The following SEZ6L variants were observed in gnomAD, a reference collection of about 807,000 sequenced individuals.
SEZ6L encodes the protein seizure 6-like protein.
A neutral mutation model predicts 106.2 loss-of-function variants in SEZ6L; 37 were observed. The ratio of observed to expected loss-of-function variants is 0.35; its 90% CI spans 0.27 to 0.46. The LOEUF is 0.46. Ranked by LOEUF, SEZ6L falls within the 20% of genes least tolerant of loss-of-function variation. The pLI is 1.00. For synonymous variants in SEZ6L, 541 were observed against 570.4 expected (o/e 0.95, Z 0.73); for missense variants, 1,172 against 1,332.8 (o/e 0.88, Z 1.88).
At chr22:26,308,760 C>A (rs1352051125) in intron 6 of SEZ6L, among the ~76,000 whole-genome samples, 1 of 152,220 alleles carries the variant, frequency 6.6e-6, no homozygotes, top group Non-Finnish European at 1.5e-5. Flanking sequence ...ATTACTATTG[C>A]AGACATTCTA....
At chr22:26,322,368 G>A (rs961534064) in intron 9 of SEZ6L, among the ~76,000 whole-genome samples, 1 of 152,126 alleles carries the variant, frequency 6.6e-6, no homozygotes, top group Admixed American at 6.5e-5. Flanking sequence ...TGTGTGTCTC[G>A]GCAATGTAGC....
intron 1 of SEZ6L, among the ~76,000 whole-genome samples, chr22:26,190,518 A>C (rs1490772020): frequency 3.3e-5 from 5 of 152,188 alleles, no homozygotes; most frequent in African/African-American, 1.2e-4. Flanking sequence ...ATCTCAGGCA[A>C]ATTATTTCAT....
intron 1 of SEZ6L, among the ~76,000 whole-genome samples, chr22:26,248,042 G>A (rs537554119): frequency 6.6e-6 from 1 of 152,318 alleles, no homozygotes; most frequent in Non-Finnish European, 1.5e-5. Flanking sequence ...ATCACAGAGA[G>A]CCAGACTGGA....
chr22:26,210,782 A>G (rs1485409546), intron 1 of SEZ6L, among the ~76,000 whole-genome samples: 2 of 152,220 alleles, frequency 1.3e-5, no homozygotes, highest in African/African-American at 4.8e-5. Context: ...ACTAGCCCAC[A>G]TGCATTTTCG....
At chr22:26,278,483 T>C (rs1041737841) in intron 1 of SEZ6L, among the ~76,000 whole-genome samples, 1 of 152,192 alleles carries the variant, frequency 6.6e-6, no homozygotes, top group African/African-American at 2.4e-5. Flanking sequence ...ACTATTTCCA[T>C]CTTTATGTCC....
At chr22:26,305,348 T>C (rs572723899) in intron 5 of SEZ6L, among the ~76,000 whole-genome samples, 5 of 152,306 alleles carry the variant, frequency 3.3e-5, no homozygotes, top group African/African-American at 1.2e-4. Flanking sequence ...GATCAAAGTG[T>C]TTGAGCACGT....
chr22:26,173,232 CT>C (rs1313627592), intron 1 of SEZ6L, among the ~76,000 whole-genome samples: 1 of 152,198 alleles, frequency 6.6e-6, no homozygotes, highest in East Asian at 1.9e-4. Flanking sequence ...TCTTTCCCTG[CT>C]TTCCAAAGGG....
intron 1 of SEZ6L, among the ~76,000 whole-genome samples, chr22:26,228,963 G>A (rs962694797): frequency 6.6e-6 from 1 of 152,180 alleles, no homozygotes; most frequent in African/African-American, 2.4e-5. Context: ...TGTAGTGGTG[G>A]TTTCATGGAT....
In SEZ6L at chr22:26,220,917, A is replaced by ATGGATGGG. The variant is rs2078448037; in HGVS notation, c.94+51161_94+51162insGTGGATGG. 2.6e-5 allele frequency among the ~76,000 whole-genome samples: 4 copies of ATGGATGGG among 151,776 alleles called. 1 individual carries two copies. The South Asian group carries it at 8.5e-4, about 32-fold the overall frequency. ...AATGGATGGATGGATGGATGGATGG[A>ATGGATGGG]TGGATGGATGGGTGGATGGATGGAT... On this transcript the variant is annotated intron_variant, in intron 1 of 16. Coordinates refer to ENST00000248933, the MANE Select transcript of SEZ6L (RefSeq NM_021115.5).
chr22:26,353,606 C>A (rs116265599), intron 12 of SEZ6L, among the ~76,000 whole-genome samples: 1 of 152,216 alleles, frequency 6.6e-6, no homozygotes, highest in Non-Finnish European at 1.5e-5. Context: ...TAGGTTGAAT[C>A]TATCCCCAAA....
chr22:26,327,885 A>G (rs2082369431), intron 9 of SEZ6L, among the ~76,000 whole-genome samples: 1 of 152,234 alleles, frequency 6.6e-6, no homozygotes, highest in African/African-American at 2.4e-5. Flanking sequence ...ACATCCAGAA[A>G]AAGGAAGCAA....
At chr22:26,307,548 G>C (rs536910327) in intron 6 of SEZ6L, among the ~76,000 whole-genome samples, 29 of 152,046 alleles carry the variant, frequency 1.9e-4, no homozygotes, top group African/African-American at 6.8e-4. Flanking sequence ...AGGCAGTTCA[G>C]CTTTATCCAG....
chr22:26,320,456 C>T (rs1400597471), intron 9 of SEZ6L, among the ~76,000 whole-genome samples: 2 of 152,234 alleles, frequency 1.3e-5, no homozygotes, highest in Non-Finnish European at 2.9e-5. Context: ...TTTGCAGTGA[C>T]ATCAAAATCA....
In SEZ6L at chr22:26,169,569, G is replaced by A. The variant is rs1363139003; in HGVS notation, c.-101G>A. On this transcript the variant is annotated 5_prime_UTR_variant, in exon 1 of 17. Transcript: ENST00000248933. ...GCCCCGGCCCGCGGCCTCCTCCCTCGCTCCCGCTTCCCCTTTCTCGCTCAC... is the reference window on the plus strand; with the variant it reads ...GCCCCGGCCCGCGGCCTCCTCCCTCACTCCCGCTTCCCCTTTCTCGCTCAC... 1 of 433,094 alleles carries A rather than the reference G, an allele frequency of 2.3e-6. No homozygotes were observed. The highest frequency in any genetic ancestry group is 6.3e-5 in the South Asian group (1 of 15,908). 26.8% of individuals were successfully genotyped at this position (433,094 alleles called of 1,614,324 possible). A position where few individuals can be genotyped will look rare whatever the true frequency, so the allele number is the denominator to read the frequency against.
At chr22:26,188,433 C>G (rs1411128932) in intron 1 of SEZ6L, among the ~76,000 whole-genome samples, 1 of 152,184 alleles carries the variant, frequency 6.6e-6, no homozygotes, top group Non-Finnish European at 1.5e-5. Flanking sequence ...CTGCTTGTCA[C>G]CCGAGCATGT....
intron 1 of SEZ6L, among the ~76,000 whole-genome samples, chr22:26,189,960 G>C (rs1372793235): frequency 6.6e-6 from 1 of 152,086 alleles, no homozygotes; most frequent in Non-Finnish European, 1.5e-5. Context: ...AGCTGGGCGT[G>C]GTGGCGGGCA....
rs190173929 is a variant in SEZ6L at position 26,319,440 on chromosome 22, G to A, written c.2015+5538G>A. Among the ~76,000 whole-genome samples, 281 of 152,300 alleles carry A rather than the reference G, an allele frequency of 1.8e-3. 1 individual carries two copies. Among genetic ancestry groups the A allele is most frequent in the Middle Eastern group, 0.01 (3 of 294 alleles). On this transcript the variant is annotated intron_variant, in intron 9 of 16. Transcript: ENST00000248933. The stretch of plus-strand genomic sequence containing the variant: ...CTTAAAGCCAGTATTCTTACAAAAG[G>A]CCCTATGGGATCTAGCTCTGGTTAC...
intron 9 of SEZ6L, among the ~76,000 whole-genome samples, chr22:26,325,014 CGTGGTCTAG>C (rs1400059109): frequency 6.6e-6 from 1 of 152,098 alleles, no homozygotes; most frequent in Non-Finnish European, 1.5e-5. Context: ...GGTTGGCTGT[CGTGGTCTAG>C]GTGGGCATAG....
chr22:26,218,695 G>A (rs923316930), intron 1 of SEZ6L, among the ~76,000 whole-genome samples: 2 of 152,208 alleles, frequency 1.3e-5, no homozygotes, highest in South Asian at 2.1e-4. Flanking sequence ...CCAGCACTTT[G>A]GGAGGCCAAG....
Sources: allele counts gnomAD v4.1 joint callset (sites outside exome capture counted in the v4.1 genomes callset), GRCh38; gene constraint gnomAD v4.1.1; transcripts MANE v1.5; gene names NCBI Gene and HGNC (gene_info 2026-07-23, HGNC 2026-07-21).